PTPN6: variants seen among roughly 807,000 people sequenced by gnomAD.
The protein encoded by PTPN6 is protein tyrosine phosphatase non-receptor type 6, also known as tyrosine-protein phosphatase non-receptor type 6.
PTPN6 carries 18 observed loss-of-function variants against 81.5 expected under a neutral mutation model. The observed-to-expected ratio is 0.22, with a 90% CI of 0.15 to 0.33. The LOEUF (loss-of-function observed/expected upper bound fraction) is 0.33, where lower values mean the gene tolerates loss of function less well. Among genes scored for constraint, PTPN6 ranks in the 10% least tolerant of loss-of-function variants. The pLI, the probability that PTPN6 is intolerant of heterozygous loss-of-function variation, is 1.00. For missense variants in PTPN6, 500 were observed against 794.2 expected (o/e 0.63, Z 4.45); for synonymous variants, 301 against 310.9 (o/e 0.97, Z 0.33).
At position 6,955,330 on chromosome 12, in the gene PTPN6, G is replaced by A. The variant is rs936226647; in HGVS notation, c.634-42G>A. On this transcript the variant is annotated intron_variant, in intron 5 of 15. Transcript: ENST00000318974. This position sits in a 1 kb window ranked among gnomAD's most constrained non-coding sequence, Gnocchi z 7.2. ...AGCTGTCCCCCAGATGTGAGCTTCT[G>A]GGATCTCTGAGTTGCTGACTTCTCG... 3 of 1,611,582 alleles carry A rather than the reference G, an allele frequency of 1.9e-6. No homozygotes were observed. Among genetic ancestry groups the A allele is most frequent in the Non-Finnish European group, 2.5e-6 (3 of 1,177,700 alleles).
At position 6,959,749 on chromosome 12, in the gene PTPN6, C is replaced by A; in HGVS notation, c.1362-178C>A. Reference sequence around the variant, plus strand: ...CCGCAGAGCCCGAGGTGGAGCGTGTCCATGCAGAGCTGGGCAAACCTCCAT... The same window carrying A: ...CCGCAGAGCCCGAGGTGGAGCGTGTACATGCAGAGCTGGGCAAACCTCCAT... On this transcript the variant is annotated intron_variant, in intron 11 of 15. Transcript: ENST00000318974. The surrounding 1 kb of genome is among the most constrained non-coding windows in gnomAD (Gnocchi z 6.6). 1.5e-6 allele frequency: 1 copy of A among 684,448 alleles called. No homozygotes were observed. Among genetic ancestry groups the A allele is most frequent in the Non-Finnish European group, 2.6e-6 (1 of 390,212 alleles). The allele number at this position is 684,448 out of a possible 1,614,324, so 42.4% of individuals were successfully genotyped here. A position where few individuals can be genotyped will look rare whatever the true frequency, so the allele number is the denominator to read the frequency against.
At chr12:6,958,876 G>T (rs1419523368) in intron 11 of PTPN6, among the ~76,000 whole-genome samples, 1 of 152,178 alleles carries the variant, frequency 6.6e-6, no homozygotes, top group Admixed American at 6.5e-5. Flanking sequence ...AGGATCTCAG[G>T]GTTGTCGTGA....
Position 6,960,688 on chromosome 12 carries a change from G to A in PTPN6, c.1674-118G>A, listed in dbSNP as rs370716043. ...GAGCTTGGAGTCTAGTGCAGGGACC[G>A]TGGCTGCGTCACCTGTGAGACGGGG... On this transcript the variant is annotated intron_variant, in intron 14 of 15. Coordinates refer to ENST00000318974, the MANE Select transcript of PTPN6 (RefSeq NM_002831.6). The surrounding 1 kb of genome is among the most constrained non-coding windows in gnomAD (Gnocchi z 6.1). 1.4e-5 allele frequency: 21 copies of A among 1,551,498 alleles called. No homozygotes were observed. Among genetic ancestry groups the A allele is most frequent in the South Asian group, 1.1e-4 (9 of 84,056 alleles).
Position 6,955,056 on chromosome 12 carries a change from G to C in PTPN6, c.516+62G>C. On this transcript the variant is annotated intron_variant, in intron 4 of 15. Transcript: ENST00000318974. The surrounding 1 kb of genome is among the most constrained non-coding windows in gnomAD (Gnocchi z 7.2). ...GCTCCTGTCTGTGACCACAGTGTGGGTGGCAGGGAGGGTCTGCCTGGGCTT... is the reference window on the plus strand; with the variant it reads ...GCTCCTGTCTGTGACCACAGTGTGGCTGGCAGGGAGGGTCTGCCTGGGCTT... 1 of 1,609,462 alleles carries C rather than the reference G, an allele frequency of 6.2e-7. No homozygotes were observed. The highest frequency in any genetic ancestry group is 1.7e-5 in the Admixed American group (1 of 60,026).
rs1429714735 is a variant in PTPN6, at chr12:6,959,056, G to T, written c.1362-871G>T. 6.6e-6 allele frequency among the ~76,000 whole-genome samples: 1 copy of T among 152,212 alleles called. No homozygotes were observed. The highest frequency in any genetic ancestry group is 1.5e-5 in the Non-Finnish European group (1 of 68,038). The stretch of plus-strand genomic sequence containing the variant: ...GGACCCCAGGCCTGCGACGGCCTCT[G>T]GCTTCCTCCTCTTCCCCCAGCAGCT... On this transcript the variant is annotated intron_variant, in intron 11 of 15. Transcript: ENST00000318974. The surrounding 1 kb of genome is among the most constrained non-coding windows in gnomAD (Gnocchi z 6.6).
Position 6,960,518 on chromosome 12 carries a change from G to C in PTPN6, c.1673+83G>C. On this transcript the variant is annotated intron_variant, in intron 14 of 15. Coordinates refer to ENST00000318974, the MANE Select transcript of PTPN6 (RefSeq NM_002831.6). This position sits in a 1 kb window ranked among gnomAD's most constrained non-coding sequence, Gnocchi z 6.1. The stretch of plus-strand genomic sequence containing the variant: ...TCCTCACTTTCTGGAGAGGACAAGT[G>C]TTGCAGCTGGGGGGACCTGGCTTCA... The C allele has an allele frequency of 1.3e-6, 2 of 1,493,270 alleles. No homozygotes were observed. The highest frequency in any genetic ancestry group is 1.8e-6 in the Non-Finnish European group (2 of 1,088,768). 92.5% of individuals were successfully genotyped at this position (1,493,270 alleles called of 1,614,324 possible).
chr12:6,951,821 GTGCTGACTCCCCGTC>G lies in PTPN6; in HGVS notation c.131+93_131+107del. 1 of 1,595,484 alleles carries G rather than the reference GTGCTGACTCCCCGTC, an allele frequency of 6.3e-7. No homozygotes were observed. Among genetic ancestry groups the G allele is most frequent in the South Asian group, 1.1e-5 (1 of 90,622 alleles). On this transcript the variant is annotated intron_variant, in intron 2 of 15. Transcript: ENST00000318974. This position sits in a 1 kb window ranked among gnomAD's most constrained non-coding sequence, Gnocchi z 7.2. Reference sequence around the variant, plus strand: ...CACTCATTCCTGGTTCCCCGTGGCAGTGCTGACTCCCCGTCTGTTCCCTTGCCCCCAACCCCCACA... The same window carrying G: ...CACTCATTCCTGGTTCCCCGTGGCAGTGTTCCCTTGCCCCCAACCCCCACA...
At chr12:6,946,801 T>C, upstream of PTPN6, 3 of 1,517,528 alleles carry the variant, frequency 2.0e-6, no homozygotes, top group Non-Finnish European at 9.1e-7. Flanking sequence ...GGGAGGGCTT[T>C]GTTGATGCTC....
In PTPN6 at chr12:6,955,563, C is replaced by T; in HGVS notation, c.747+78C>T. On this transcript the variant is annotated intron_variant, in intron 6 of 15. Coordinates refer to ENST00000318974, the MANE Select transcript of PTPN6 (RefSeq NM_002831.6). This position sits in a 1 kb window ranked among gnomAD's most constrained non-coding sequence, Gnocchi z 7.2. ...TGGGGCCCCAGGCGGACACCTTCCC[C>T]TCCTTGCCCACCTCTGCTCCTGACC... is the stretch of plus-strand genomic sequence containing the variant. The T allele has an allele frequency of 1.9e-6, 3 of 1,560,632 alleles. No individual in the cohort carries two copies. Among genetic ancestry groups the T allele is most frequent in the South Asian group, 1.1e-5 (1 of 90,018 alleles).
chr12:6,958,941 G>A (rs1946079846), intron 11 of PTPN6, among the ~76,000 whole-genome samples: 1 of 152,236 alleles, frequency 6.6e-6, no homozygotes, highest in Non-Finnish European at 1.5e-5. Context: ...CTCAAAAACT[G>A]GGCGCTGTTA....
upstream of PTPN6, chr12:6,946,845 C>T (rs1945828568): frequency 3.2e-6 from 4 of 1,246,250 alleles, no homozygotes; most frequent in Middle Eastern, 1.9e-4. Flanking sequence ...TGCGATCTGC[C>T]GCTGCCCTGC....
Position 6,956,788 on chromosome 12 carries a change from G to T in PTPN6, c.1074+220G>T, listed in dbSNP as rs1478432631. The stretch of plus-strand genomic sequence containing the variant: ...TCTGAGCTCCAGACCCAGGTTCCAG[G>T]CTGTCCTCCTTCCTCCTACCCCTGC... On this transcript the variant is annotated intron_variant, in intron 9 of 15. Transcript: ENST00000318974. The surrounding 1 kb of genome is among the most constrained non-coding windows in gnomAD (Gnocchi z 4.1). Among the ~76,000 whole-genome samples the T allele has an allele frequency of 6.6e-6, 1 of 152,060 alleles. No homozygotes were observed. The highest frequency in any genetic ancestry group is 1.5e-5 in the Non-Finnish European group (1 of 67,998).
Position 6,955,637 on chromosome 12 carries a change from T to C in PTPN6, c.748-23T>C. On this transcript the variant is annotated intron_variant, in intron 6 of 15. Coordinates refer to ENST00000318974, the MANE Select transcript of PTPN6 (RefSeq NM_002831.6). The surrounding 1 kb of genome is among the most constrained non-coding windows in gnomAD (Gnocchi z 7.2). Reference sequence around the variant, plus strand: ...GGATGCCCTCTTTGGGAGCTGATGCTCATTTCCCCACCCACATCTCAGAGT... The same window carrying C: ...GGATGCCCTCTTTGGGAGCTGATGCCCATTTCCCCACCCACATCTCAGAGT... The C allele has an allele frequency of 1.2e-6, 2 of 1,610,706 alleles. No homozygotes were observed. The highest frequency in any genetic ancestry group is 2.2e-5 in the East Asian group (1 of 44,834).
upstream of PTPN6, chr12:6,946,849 G>T (rs1789576003): frequency 2.4e-6 from 3 of 1,239,560 alleles, no homozygotes; most frequent in Non-Finnish European, 3.5e-6. Flanking sequence ...ATCTGCCGCT[G>T]CCCTGCGCCT....
At position 6,960,313 on chromosome 12, in the gene PTPN6, C is replaced by T; in HGVS notation, c.1582-31C>T. On this transcript the variant is annotated intron_variant, in intron 13 of 15. Transcript: ENST00000318974. This position sits in a 1 kb window ranked among gnomAD's most constrained non-coding sequence, Gnocchi z 6.1. ...GGGTGCCACCTGGCCCTGCTGGGAC[C>T]ACCACCTTCCCACTGTCCCTCTGCC... The T allele has an allele frequency of 6.2e-7, 1 of 1,611,360 alleles. No individual in the cohort carries two copies.
In PTPN6 at chr12:6,955,068, G is replaced by T; in HGVS notation, c.516+74G>T. 1 of 1,607,032 alleles carries T rather than the reference G, an allele frequency of 6.2e-7. No individual in the cohort carries two copies. Among genetic ancestry groups the T allele is most frequent in the Non-Finnish European group, 8.5e-7 (1 of 1,173,634 alleles). On this transcript the variant is annotated intron_variant, in intron 4 of 15. Coordinates refer to ENST00000318974, the MANE Select transcript of PTPN6 (RefSeq NM_002831.6). This position sits in a 1 kb window ranked among gnomAD's most constrained non-coding sequence, Gnocchi z 7.2. ...GACCACAGTGTGGGTGGCAGGGAGG[G>T]TCTGCCTGGGCTTGAATTCAAGGCT...
upstream of PTPN6, among the ~76,000 whole-genome samples, chr12:6,950,101 C>T (rs781954070): frequency 1.4e-5 from 2 of 145,928 alleles, no homozygotes; most frequent in African/African-American, 5.1e-5. Context: ...TATACACACC[C>T]ATGCAAACAG....
chr12:6,947,073 A>G (rs184784253), upstream of PTPN6, among the ~76,000 whole-genome samples: 23 of 152,310 alleles, frequency 1.5e-4, no homozygotes, highest in Admixed American at 9.8e-4. Context: ...CATAGCAGTC[A>G]GAGGCCACCC....
chr12:6,946,996 C>T (rs946806924), upstream of PTPN6, among the ~76,000 whole-genome samples: 1 of 152,188 alleles, frequency 6.6e-6, no homozygotes, highest in African/African-American at 2.4e-5. Flanking sequence ...CTACTTCCAG[C>T]CTCTGGGCTC....
Sources: gnomAD v4.1 joint callset for allele counts (sites outside exome capture counted in the v4.1 genomes callset) on GRCh38, gnomAD v4.1.1 for gene constraint, Gnocchi (gnomAD v3.1) non-coding constraint, MANE v1.5 for transcripts, NCBI Gene and HGNC (gene_info 2026-07-23, HGNC 2026-07-21) for gene names.